The following KCNU1 variants were observed in gnomAD, a reference collection of about 807,000 sequenced individuals.
KCNU1 encodes the protein potassium channel subfamily U member 1.
A neutral mutation model predicts 126.8 loss-of-function variants in KCNU1; 93 were observed. That is an observed-to-expected ratio of 0.73 (90% CI 0.62 to 0.87). The LOEUF (loss-of-function observed/expected upper bound fraction) is 0.87. Among genes scored for constraint, KCNU1 ranks in the 40% least tolerant of loss-of-function variants. The pLI, the probability that KCNU1 is intolerant of heterozygous loss-of-function variation, is 0.00. For synonymous variants in KCNU1, 523 were observed against 494.2 expected (o/e 1.06, Z -0.77); for missense variants, 1,330 against 1,367.1 (o/e 0.97, Z 0.43).
chr8:36,831,920 T>C (rs1369749231), intron 10 of KCNU1, among the ~76,000 whole-genome samples: 3 of 152,258 alleles, frequency 2.0e-5, no homozygotes, highest in African/African-American at 4.8e-5. Flanking sequence ...TTAATCCGTC[T>C]TGAATTGATT....
chr8:36,919,511 C>T (rs1808261795), intron 23 of KCNU1, among the ~76,000 whole-genome samples: 1 of 150,830 alleles, frequency 6.6e-6, no homozygotes, highest in African/African-American at 2.4e-5. Flanking sequence ...CTTCCCTAGG[C>T]ACGAGGAGCT....
chr8:36,827,575 G>A (rs575657337), intron 10 of KCNU1, among the ~76,000 whole-genome samples: 29 of 152,126 alleles, frequency 1.9e-4, no homozygotes, highest in Non-Finnish European at 3.7e-4. Flanking sequence ...TAGGAGACAT[G>A]TTTAATATTT....
At chr8:36,907,982 GT>G (rs567088807) in intron 20 of KCNU1, among the ~76,000 whole-genome samples, 1 of 151,134 alleles carries the variant, frequency 6.6e-6, no homozygotes, top group East Asian at 1.9e-4. Context: ...TAACTCTTTG[GT>G]TTTTTTTTCC....
rs114409581 is a variant in KCNU1, at chr8:36,867,507, T to C, written c.2009+2986T>C. On this transcript the variant is annotated intron_variant, in intron 19 of 26. Coordinates refer to ENST00000399881, the MANE Select transcript of KCNU1 (RefSeq NM_001031836.3). ...TGTTTATGTTAATGCAAAGTTGTTA[T>C]AAAAACATGATTCAAACTTGAAAAT... Among the ~76,000 whole-genome samples, 542 of 152,286 alleles carry C rather than the reference T, an allele frequency of 3.6e-3. 4 individuals are homozygous for C. Among genetic ancestry groups the C allele is most frequent in the African/African-American group, 0.012 (482 of 41,582 alleles).
At chr8:36,893,538 T>C (rs993351958) in intron 19 of KCNU1, among the ~76,000 whole-genome samples, 4 of 151,996 alleles carry the variant, frequency 2.6e-5, no homozygotes, top group Non-Finnish European at 5.9e-5. Context: ...ATTTAACAGC[T>C]TCAGATCTAT....
chr8:36,803,815 T>C (rs1278715883), intron 2 of KCNU1, among the ~76,000 whole-genome samples: 1 of 152,184 alleles, frequency 6.6e-6, no homozygotes, highest in Non-Finnish European at 1.5e-5. Context: ...AATGGGTACA[T>C]ATTCATTTTT....
Position 36,807,373 on chromosome 8 carries a change from A to G in KCNU1, c.581-2A>G, listed in dbSNP as rs1803541637. ...AGCTTTCTCCTTTCCATTGGTTTGT[A>G]GGTTTAAGGTTCCTAAGAGCCTTGC... On this transcript the variant is annotated splice_acceptor_variant, in intron 5 of 26. Transcript: ENST00000399881. LOFTEE classifies it high-confidence loss of function. The G allele has an allele frequency of 6.2e-7, 1 of 1,612,118 alleles. No individual in the cohort carries two copies. Among genetic ancestry groups the G allele is most frequent in the African/African-American group, 1.3e-5 (1 of 74,852 alleles).
At position 36,901,240 on chromosome 8, in the gene KCNU1, C is replaced by G. The variant is rs143773082; in HGVS notation, c.2010-4468C>G. 2.6e-3 allele frequency among the ~76,000 whole-genome samples: 399 copies of G among 152,216 alleles called. 3 individuals are homozygous for G. The highest frequency in any genetic ancestry group is 9.2e-3 in the African/African-American group (384 of 41,526). On this transcript the variant is annotated intron_variant, in intron 19 of 26. Transcript: ENST00000399881. Reference sequence around the variant, plus strand: ...ATTCTTGGAAACCATGCCTCCTGAACTAGCACAGTGAAACCTAGTCCACCT... The same window carrying G: ...ATTCTTGGAAACCATGCCTCCTGAAGTAGCACAGTGAAACCTAGTCCACCT...
At chr8:36,844,251 A>G (rs1805060087) in intron 16 of KCNU1, among the ~76,000 whole-genome samples, 1 of 152,004 alleles carries the variant, frequency 6.6e-6, no homozygotes, top group South Asian at 2.1e-4. Context: ...ATGGTGGTGC[A>G]CACCTGCAAT....
intron 24 of KCNU1, among the ~76,000 whole-genome samples, chr8:36,926,462 C>T (rs1160933532): frequency 1.3e-5 from 2 of 151,972 alleles, no homozygotes; most frequent in Non-Finnish European, 2.9e-5. Context: ...CCACTTTCAT[C>T]TGTGGTATAT....
intron 19 of KCNU1, among the ~76,000 whole-genome samples, chr8:36,892,008 A>C (rs1308977310): frequency 1.3e-5 from 2 of 152,090 alleles, no homozygotes; most frequent in Non-Finnish European, 2.9e-5. Flanking sequence ...GTTTTCATTA[A>C]ATATGTAAAA....
At position 36,785,834 on chromosome 8, in the gene KCNU1, A is replaced by T. The variant is rs757984141; in HGVS notation, c.195+1229A>T. Among the ~76,000 whole-genome samples the T allele has an allele frequency of 3.3e-5, 5 of 152,298 alleles. No individual in the cohort carries two copies. The East Asian group carries it at 7.7e-4, about 23-fold the overall frequency. ...CATTTTGTGTGATTACAAAAATGTGACAGTACATTTGTCAATTTCCTATAT... is the reference window on the plus strand; with the variant it reads ...CATTTTGTGTGATTACAAAAATGTGTCAGTACATTTGTCAATTTCCTATAT... On this transcript the variant is annotated intron_variant, in intron 1 of 26. Coordinates refer to ENST00000399881, the MANE Select transcript of KCNU1 (RefSeq NM_001031836.3).
intron 24 of KCNU1, chr8:36,928,989 G>A (rs1367330875): frequency 4.3e-6 from 3 of 698,886 alleles, no homozygotes; most frequent in Admixed American, 2.0e-5. Flanking sequence ...AAAGAAAACA[G>A]AATTTAGCAA....
intron 20 of KCNU1, among the ~76,000 whole-genome samples, chr8:36,906,310 T>C (rs1807626681): frequency 6.6e-6 from 1 of 152,014 alleles, no homozygotes; most frequent in Admixed American, 6.6e-5. Flanking sequence ...ATATGCCTCC[T>C]AAACACTCCG....
rs1050635431 is a variant in KCNU1, at chr8:36,796,084, T to G, written c.316-7943T>G. On this transcript the variant is annotated intron_variant, in intron 2 of 26. Coordinates refer to ENST00000399881, the MANE Select transcript of KCNU1 (RefSeq NM_001031836.3). The stretch of plus-strand genomic sequence containing the variant: ...TCTGCAAGTAATGCTCTTATTTTTA[T>G]TGATGCATAATTCATCTTTTCAGTT... 3.9e-5 allele frequency among the ~76,000 whole-genome samples: 6 copies of G among 152,350 alleles called. No individual in the cohort carries two copies. The South Asian group carries it at 1.2e-3, about 32-fold the overall frequency.
At chr8:36,861,642 A>G (rs1291774065) in intron 18 of KCNU1, among the ~76,000 whole-genome samples, 5 of 152,210 alleles carry the variant, frequency 3.3e-5, no homozygotes, top group African/African-American at 1.2e-4. Flanking sequence ...AATGAGTGGT[A>G]AAGTACTATA....
chr8:36,797,970 A>G (rs767310311), intron 2 of KCNU1, among the ~76,000 whole-genome samples: 1 of 152,182 alleles, frequency 6.6e-6, no homozygotes, highest in African/African-American at 2.4e-5. Flanking sequence ...GCCAATAGGG[A>G]GTACAAGACG....
chr8:36,810,282 C>T (rs1055404356), intron 7 of KCNU1, among the ~76,000 whole-genome samples: 2 of 151,902 alleles, frequency 1.3e-5, no homozygotes, highest in Non-Finnish European at 2.9e-5. Context: ...CTCCCTATAG[C>T]TTCTCCCTAT....
chr8:36,814,124 T>C, intron 7 of KCNU1, 83 bp from the exon 8 acceptor site: 2 of 1,000,970 alleles, frequency 2.0e-6, no homozygotes, highest in Non-Finnish European at 3.0e-6. Context: ...TGAAGTGCAA[T>C]TAATCTAATG....
Sources: allele counts gnomAD v4.1 joint callset (sites outside exome capture counted in the v4.1 genomes callset), GRCh38; gene constraint gnomAD v4.1.1; transcripts MANE v1.5; gene names NCBI Gene and HGNC (gene_info 2026-07-23, HGNC 2026-07-21).